The following ATP9B variants were observed in gnomAD, a reference collection of about 807,000 sequenced individuals.
The protein encoded by ATP9B is ATPase phospholipid transporting 9B.
In ATP9B, 110 loss-of-function variants were observed where a neutral mutation model predicts 146.1. The ratio of observed to expected loss-of-function variants is 0.75; its 90% CI spans 0.65 to 0.88. The LOEUF is 0.88. ATP9B is among the 40% of genes least tolerant of loss of function. The probability of loss-of-function intolerance (pLI) is 0.00; values close to 1 mark genes in which losing one functional copy is unlikely to be tolerated. For missense variants in ATP9B, 1,499 were observed against 1,496.4 expected (o/e 1.00, Z -0.03); for synonymous variants, 604 against 569.7 (o/e 1.06, Z -0.86).
chr18:79,129,828 C>T (rs1401746475), intron 5 of ATP9B, among the ~76,000 whole-genome samples: 1 of 152,060 alleles, frequency 6.6e-6, no homozygotes, highest in Non-Finnish European at 1.5e-5. Flanking sequence ...ACTGCAACCT[C>T]CGTCCCCCGG....
At chr18:79,310,237 C>T (rs114581166) in intron 15 of ATP9B, among the ~76,000 whole-genome samples, 3,723 of 152,284 alleles carry the variant, frequency 0.024, 156 homozygotes, top group African/African-American at 0.084. Context: ...GCGGAGCTGG[C>T]GTGTGTGCGC....
chr18:79,342,227 CCTTGT>C (rs769461919), intron 19 of ATP9B, 36 bp from the exon 20 acceptor site: 1 of 1,476,802 alleles, frequency 6.8e-7, no homozygotes, highest in East Asian at 2.3e-5. Context: ...ATGAACGTGT[CCTTGT>C]CTTGTTGAAA....
At chr18:79,089,412 G>C (rs1464678149) in intron 1 of ATP9B, among the ~76,000 whole-genome samples, 1 of 152,120 alleles carries the variant, frequency 6.6e-6, no homozygotes, top group African/African-American at 2.4e-5. Context: ...AGCTGCTTCT[G>C]GTGTCCTGCT....
chr18:79,125,517 C>A (rs1034754781), intron 4 of ATP9B, among the ~76,000 whole-genome samples: 1 of 152,184 alleles, frequency 6.6e-6, no homozygotes, highest in East Asian at 1.9e-4. Flanking sequence ...AGTGGACATA[C>A]ATCCAGTGTT....
chr18:79,273,208 A>C (rs1318063423), intron 12 of ATP9B, among the ~76,000 whole-genome samples: 1 of 152,208 alleles, frequency 6.6e-6, no homozygotes, highest in Non-Finnish European at 1.5e-5. Flanking sequence ...TTTGTGATGA[A>C]TCTAAGATAT....
rs770673254 is a variant in ATP9B, at chr18:79,344,302, C to T, written c.2420C>T (p.Ala807Val). 1.9e-6 allele frequency: 3 copies of T among 1,614,212 alleles called. No homozygotes were observed. The highest frequency in any genetic ancestry group is 2.5e-6 in the Non-Finnish European group (3 of 1,180,040). Residue 807 changes from alanine to valine, a missense_variant, in exon 21 of 30, where the codon GCA (alanine) becomes GTA (valine). Coordinates refer to ENST00000426216, the MANE Select transcript of ATP9B (RefSeq NM_198531.5). ...GGAGAGGCACATTTGGAGCTGAATG[C>T]ATTTCGAAGGAAGCATGATTGTGCA... ...SRGEAHLELN[A>V]FRRKHDCALV... is the part of the protein sequence containing the mutation.
intron 11 of ATP9B, among the ~76,000 whole-genome samples, chr18:79,227,798 C>T (rs976413030): frequency 2.6e-5 from 4 of 151,972 alleles, no homozygotes; most frequent in East Asian, 1.9e-4. Flanking sequence ...CCTCAGTGCA[C>T]GTGGGCTCCA....
At chr18:79,336,823 G>A (rs2096829806) in intron 18 of ATP9B, 112 bp downstream of exon 18, 5 of 1,110,140 alleles carry the variant, frequency 4.5e-6, no homozygotes, top group East Asian at 2.6e-5. Context: ...TAGTCTAGGA[G>A]TGAAGGCAGC....
Position 79,345,811 on chromosome 18 carries a change from C to T in ATP9B, c.2654C>T (p.Ala885Val), listed in dbSNP as rs1244939953. 1 of 1,614,236 alleles carries T rather than the reference C, an allele frequency of 6.2e-7. No individual in the cohort carries two copies. Among genetic ancestry groups the T allele is most frequent in the East Asian group, 2.2e-5 (1 of 44,884 alleles). ...AATGATGTCAGCATGATTCAGGCAG[C>T]AGACTGTGGGATTGGGATTGAGGGA... ...GGNDVSMIQA[A>V]DCGIGIEGKE... The change falls in exon 23 of 30, where the codon GCA (alanine) becomes GTA (valine). Residue 885 changes from alanine to valine, a missense_variant. Physicochemically the swap from Ala to Val is moderately conservative, Grantham distance 64. Transcript: ENST00000426216.
chr18:79,163,069 C>T (rs536599905), intron 7 of ATP9B, among the ~76,000 whole-genome samples: 3 of 152,294 alleles, frequency 2.0e-5, no homozygotes, highest in Non-Finnish European at 4.4e-5. Context: ...TTTGCTGAGC[C>T]TTAACTGGCG....
intron 8 of ATP9B, among the ~76,000 whole-genome samples, chr18:79,183,361 TAATC>T (rs2095271014): frequency 6.6e-6 from 1 of 152,224 alleles, no homozygotes; most frequent in African/African-American, 2.4e-5. Flanking sequence ...GTGTATTAAT[TAATC>T]AATTAATCTT....
chr18:79,164,966 C>G (rs560992351), intron 7 of ATP9B, among the ~76,000 whole-genome samples: 1 of 152,174 alleles, frequency 6.6e-6, no homozygotes, highest in Non-Finnish European at 1.5e-5. Flanking sequence ...GTAGAATGTT[C>G]TGTGGAAAGG....
intron 26 of ATP9B, among the ~76,000 whole-genome samples, chr18:79,372,063 C>T (rs1196956810): frequency 1.3e-5 from 2 of 152,234 alleles, no homozygotes; most frequent in Non-Finnish European, 2.9e-5. Context: ...TCACTTTCGA[C>T]AGCTCTTTAG....
intron 13 of ATP9B, among the ~76,000 whole-genome samples, chr18:79,299,350 A>G (rs925484803): frequency 2.0e-5 from 3 of 151,772 alleles, no homozygotes; most frequent in Non-Finnish European, 4.4e-5. Flanking sequence ...ATTCACAGGC[A>G]TTTGTCTTTG....
At chr18:79,295,765 C>T (rs2096543384) in intron 13 of ATP9B, among the ~76,000 whole-genome samples, 2 of 152,130 alleles carry the variant, frequency 1.3e-5, no homozygotes, top group African/African-American at 4.8e-5. Flanking sequence ...TGGGGCAGAG[C>T]CCCCATGAAT....
At chr18:79,171,884 T>TTG (rs112220122) in intron 7 of ATP9B, among the ~76,000 whole-genome samples, 26,152 of 150,864 alleles carry the variant, frequency 0.17, 2,825 homozygotes, top group African/African-American at 0.3. Context: ...ACTCGTTTTT[T>TTG]TTTGTTTGTT....
chr18:79,306,921 T>G lies in ATP9B; in HGVS notation c.1525-65T>G. ...TTGTAAAAATCATATATGTTAATAA[T>G]TCCATGTTAACTAGATAGTTCTCTT... On this transcript the variant is annotated intron_variant, in intron 14 of 29. Coordinates refer to ENST00000426216, the MANE Select transcript of ATP9B (RefSeq NM_198531.5). 1.9e-6 allele frequency: 3 copies of G among 1,549,794 alleles called. No individual in the cohort carries two copies. In the South Asian group the frequency reaches 3.5e-5, roughly 18 times the overall value.
intron 17 of ATP9B, among the ~76,000 whole-genome samples, chr18:79,333,171 C>G (rs1005688147): frequency 6.6e-6 from 1 of 152,184 alleles, no homozygotes; most frequent in Non-Finnish European, 1.5e-5. Context: ...GATGTGTTTC[C>G]AAATGTGCGG....
intron 11 of ATP9B, among the ~76,000 whole-genome samples, chr18:79,218,868 T>C (rs2095653071): frequency 6.6e-6 from 1 of 152,234 alleles, no homozygotes; most frequent in African/African-American, 2.4e-5. Flanking sequence ...GTTGCACTTC[T>C]AGCTCGTGTG....
Sources: gnomAD v4.1 joint callset for allele counts (sites outside exome capture counted in the v4.1 genomes callset) on GRCh38, gnomAD v4.1.1 for gene constraint, MANE v1.5 for transcripts, NCBI Gene and HGNC (gene_info 2026-07-23, HGNC 2026-07-21) for gene names.